Variants in CTNND2 observed in about 807,000 individuals in gnomAD.
CTNND2 encodes catenin delta-2.
CTNND2 carries 22 observed loss-of-function variants against 144.4 expected under a neutral mutation model. The observed-to-expected ratio is 0.15, with a 90% CI of 0.11 to 0.22. The LOEUF is 0.22. Among genes scored for constraint, CTNND2 ranks in the 10% least tolerant of loss-of-function variants. The probability of loss-of-function intolerance (pLI) is 1.00; values close to 1 mark genes in which losing one functional copy is unlikely to be tolerated. For missense variants in CTNND2, 1,353 were observed against 1,618.8 expected, an observed-to-expected ratio of 0.84 and a Z score of 2.82; for synonymous variants, 751 against 695.6, an observed-to-expected ratio of 1.08 and a Z score of -1.25.
chr5:11,567,683 C>A (rs1426758863), intron 2 of CTNND2, among the ~76,000 whole-genome samples: 6 of 152,136 alleles, frequency 3.9e-5, no homozygotes, highest in African/African-American at 1.4e-4. Flanking sequence ...CTAAAAATTT[C>A]ATTTGGGTCT....
At chr5:11,653,073 G>A (rs1227730451) in intron 2 of CTNND2, among the ~76,000 whole-genome samples, 10 of 7,454 alleles carry the variant, frequency 1.3e-3, no homozygotes, top group African/African-American at 2.9e-3. Flanking sequence ...CAAAATTCGT[G>A]TGTGTGTGTG....
intron 19 of CTNND2, 58 bp downstream of exon 19, chr5:10,992,493 G>C: frequency 1.2e-6 from 2 of 1,610,738 alleles, no homozygotes; most frequent in South Asian, 1.1e-5. Flanking sequence ...GACTGGGAAG[G>C]ACCGTCTTTG....
intron 1 of CTNND2, among the ~76,000 whole-genome samples, chr5:11,828,738 G>A (rs565530715): frequency 1.3e-5 from 2 of 152,198 alleles, no homozygotes; most frequent in East Asian, 3.9e-4. Context: ...TGTGAAAATG[G>A]ACTAACACAG....
intron 11 of CTNND2, among the ~76,000 whole-genome samples, chr5:11,188,618 A>C (rs988290239): frequency 2.0e-5 from 3 of 152,208 alleles, no homozygotes; most frequent in Non-Finnish European, 2.9e-5. Context: ...TAAAATAAAT[A>C]AAATTTAAAA....
rs140922887 is a variant in CTNND2, at chr5:11,691,611, G to A, written c.174+40525C>T. ...AAAGAAACTTTAAATATATAATAAA[G>A]AAAAGTAAGAAGCAAGTTGGGGTGG... On this transcript the variant is annotated intron_variant, in intron 2 of 21. Transcript: ENST00000304623. Among the ~76,000 whole-genome samples, 349 of 151,880 alleles carry A rather than the reference G, an allele frequency of 2.3e-3. 1 individual carries two copies. Among genetic ancestry groups the A allele is most frequent in the Non-Finnish European group, 3.3e-3 (227 of 67,906 alleles).
rs566929175 is a variant in CTNND2 at position 11,743,068 on chromosome 5, T to C, written c.38-10796A>G. The stretch of plus-strand genomic sequence containing the variant: ...AGAAATCTAAAGTTATCGCTTATCA[T>C]AATATAAACAATATAGTAATAGTTG... On this transcript the variant is annotated intron_variant, in intron 1 of 21. Transcript: ENST00000304623. Among the ~76,000 whole-genome samples the C allele has an allele frequency of 2.0e-5, 3 of 152,336 alleles. No individual in the cohort carries two copies. In the South Asian group the frequency reaches 6.2e-4, roughly 32 times the overall value.
chr5:11,246,859 C>T (rs1743057484), intron 9 of CTNND2, among the ~76,000 whole-genome samples: 1 of 151,994 alleles, frequency 6.6e-6, no homozygotes, highest in Non-Finnish European at 1.5e-5. Context: ...CAGGAGTGTG[C>T]CTGGCATGTC....
At chr5:11,124,854 T>C (rs181730259) in intron 12 of CTNND2, among the ~76,000 whole-genome samples, 1 of 152,326 alleles carries the variant, frequency 6.6e-6, no homozygotes, top group Admixed American at 6.5e-5. Flanking sequence ...GTACAGAACT[T>C]TCAGCATATT....
At chr5:11,161,754 C>A (rs1429799988) in intron 11 of CTNND2, among the ~76,000 whole-genome samples, 2 of 152,076 alleles carry the variant, frequency 1.3e-5, no homozygotes, top group Non-Finnish European at 2.9e-5. Flanking sequence ...GCATTTTTTT[C>A]ATTCCCAAAT....
At chr5:11,177,028 T>C (rs1760543354) in intron 11 of CTNND2, among the ~76,000 whole-genome samples, 1 of 152,228 alleles carries the variant, frequency 6.6e-6, no homozygotes. Flanking sequence ...GTAAGAGTAA[T>C]AACATTAAAA....
chr5:11,024,643 T>G (rs892455817), intron 16 of CTNND2, among the ~76,000 whole-genome samples: 2 of 152,244 alleles, frequency 1.3e-5, no homozygotes, highest in Non-Finnish European at 2.9e-5. Context: ...CGGGGACATT[T>G]ACACCCTTGA....
At chr5:11,032,276 G>T (rs1294132359) in intron 16 of CTNND2, among the ~76,000 whole-genome samples, 1 of 152,140 alleles carries the variant, frequency 6.6e-6, no homozygotes, top group Non-Finnish European at 1.5e-5. Flanking sequence ...GTGTGAAAAG[G>T]ATTAAAGGGT....
At chr5:11,305,789 C>A (rs28862) in intron 9 of CTNND2, among the ~76,000 whole-genome samples, 121,506 of 152,208 alleles carry the variant, frequency 0.8, 48,809 homozygotes, top group Middle Eastern at 0.9. Flanking sequence ...GCTGAGGATT[C>A]AGAACGTGTT....
intron 9 of CTNND2, among the ~76,000 whole-genome samples, chr5:11,306,174 G>T (rs1359066163): frequency 6.6e-6 from 1 of 152,196 alleles, no homozygotes; most frequent in African/African-American, 2.4e-5. Context: ...CTGAAAGTGC[G>T]GAGAAGCCAG....
chr5:11,645,091 A>C (rs187439243), intron 2 of CTNND2, among the ~76,000 whole-genome samples: 1 of 152,234 alleles, frequency 6.6e-6, no homozygotes, highest in East Asian at 1.9e-4. Context: ...TCAGTATCTC[A>C]GATGGCTGGG....
chr5:11,635,398 A>G (rs1256045682), intron 2 of CTNND2, among the ~76,000 whole-genome samples: 2 of 152,136 alleles, frequency 1.3e-5, no homozygotes, highest in African/African-American at 4.8e-5. Flanking sequence ...AAGAAGATGA[A>G]GGAGGAGAAA....
intron 16 of CTNND2, among the ~76,000 whole-genome samples, chr5:11,063,459 T>C (rs915534457): frequency 2.6e-5 from 4 of 152,298 alleles, no homozygotes; most frequent in Non-Finnish European, 4.4e-5. Flanking sequence ...CCTAATACCA[T>C]AAGAAATATT....
chr5:11,022,844 A>T lies in CTNND2; in HGVS notation c.2924T>A (p.Met975Lys). The change falls in exon 17 of 22, where the codon ATG (methionine) becomes AAG (lysine). Residue 975 changes from methionine to lysine, a missense_variant. Physicochemically the swap from Met to Lys is moderately conservative, Grantham distance 95 (BLOSUM62 -1). Around this residue, in one of 4 missense-constraint regions of CTNND2, gnomAD observed 459 missense variants for 674.3 expected, o/e 0.68. Coordinates refer to ENST00000304623, the MANE Select transcript of CTNND2 (RefSeq NM_001332.4). ...CTLHEVITKN[M>K]ENAKALRDAG... ...ATCCCGTAAGGCCTTGGCGTTCTCCATGTTCTTGGTAATCACTTCGTGCAG... is the reference window on the plus strand; with the variant it reads ...ATCCCGTAAGGCCTTGGCGTTCTCCTTGTTCTTGGTAATCACTTCGTGCAG... The T allele has an allele frequency of 1.2e-6, 2 of 1,614,204 alleles. No homozygotes were observed. Among genetic ancestry groups the T allele is most frequent in the Non-Finnish European group, 1.7e-6 (2 of 1,180,030 alleles).
chr5:11,522,804 C>T lies in CTNND2; in HGVS notation c.287+42140G>A, dbSNP rs143145205. ...TATAGACACAGGTTTTTTTCTTGAACGATGAAGGGAAAGACAGAAATTTTT... is the reference window on the plus strand; with the variant it reads ...TATAGACACAGGTTTTTTTCTTGAATGATGAAGGGAAAGACAGAAATTTTT... On this transcript the variant is annotated intron_variant, in intron 3 of 21. Transcript: ENST00000304623. 1.1e-3 allele frequency among the ~76,000 whole-genome samples: 168 copies of T among 152,016 alleles called. 1 individual carries two copies. Among genetic ancestry groups the T allele is most frequent in the Admixed American group, 2.0e-4 (3 of 15,266 alleles).
Sources: allele counts gnomAD v4.1 joint callset (sites outside exome capture counted in the v4.1 genomes callset), GRCh38; gene constraint gnomAD v4.1.1; regional missense constraint gnomAD v4.1.1; transcripts MANE v1.5; gene names NCBI Gene and HGNC (gene_info 2026-07-23, HGNC 2026-07-21).